MYO19: variants seen among roughly 807,000 people sequenced by gnomAD.
MYO19 encodes myosin XIX, also known as unconventional myosin-XIX.
In MYO19, 132 loss-of-function variants were observed where a neutral mutation model predicts 129.2. The observed-to-expected ratio is 1.02, with a 90% CI of 0.89 to 1.18. The LOEUF (loss-of-function observed/expected upper bound fraction) is 1.18, where lower values mean the gene tolerates loss of function less well. MYO19 is among the 50% of genes most tolerant of loss of function. The pLI, the probability that MYO19 is intolerant of heterozygous loss-of-function variation, is 0.00. For synonymous variants in MYO19, 531 were observed against 477.2 expected (o/e 1.11, Z -1.47); for missense variants, 1,210 against 1,216.7 (o/e 0.99, Z 0.08).
chr17:36,516,365 C>A (rs1020379013), intron 6 of MYO19, among the ~76,000 whole-genome samples: 2 of 152,160 alleles, frequency 1.3e-5, no homozygotes, highest in Non-Finnish European at 2.9e-5. Context: ...CATTTATACC[C>A]AAGCAGTCTA....
chr17:36,507,548 G>T, intron 15 of MYO19, 36 bp from the exon 16 acceptor site: 5 of 1,596,530 alleles, frequency 3.1e-6, no homozygotes, highest in Non-Finnish European at 4.3e-6. Context: ...GGAGAAGGCA[G>T]CTGTGGTCTG....
At chr17:36,503,251 G>A in intron 20 of MYO19, 51 bp from the exon 21 acceptor site, 1 of 1,451,572 alleles carries the variant, frequency 6.9e-7, no homozygotes, top group Non-Finnish European at 9.7e-7. Flanking sequence ...TGTGAGCCAG[G>A]TTAACGGTTC....
At chr17:36,511,198 C>T (rs532939699) in intron 12 of MYO19, 167 bp downstream of exon 12, 438 of 729,562 alleles carry the variant, frequency 6.0e-4, no homozygotes, top group Middle Eastern at 7.9e-4. Flanking sequence ...TACTGTCTGC[C>T]TCACCAGACA....
At chr17:36,509,571 T>C (rs898731411) in intron 13 of MYO19, 1 of 219,126 alleles carries the variant, frequency 4.6e-6, no homozygotes, top group Non-Finnish European at 9.1e-6. Context: ...CCATACCCCC[T>C]GATGTAGTTC....
intron 6 of MYO19, among the ~76,000 whole-genome samples, chr17:36,524,210 C>T (rs765103541): frequency 6.6e-6 from 1 of 152,140 alleles, no homozygotes; most frequent in Non-Finnish European, 1.5e-5. Context: ...TAACCCAAGT[C>T]CAAGCCCTCA....
At chr17:36,510,648 G>A in intron 13 of MYO19, 98 bp downstream of exon 13, 3 of 1,350,206 alleles carry the variant, frequency 2.2e-6, no homozygotes, top group Non-Finnish European at 3.0e-6. Context: ...CTCCCACCCT[G>A]GGCCTGTGCC....
rs554052484 is a variant in MYO19 at position 36,530,690 on chromosome 17, G to A, written c.12+1837C>T. 2.9e-3 allele frequency among the ~76,000 whole-genome samples: 439 copies of A among 151,626 alleles called. 1 individual carries two copies. The highest frequency in any genetic ancestry group is 4.7e-3 in the Non-Finnish European group (318 of 67,918). On this transcript the variant is annotated intron_variant, in intron 3 of 25. Coordinates refer to ENST00000614623, the MANE Select transcript of MYO19 (RefSeq NM_001163735.2). Reference sequence around the variant, plus strand: ...GGCTGGAGTGCAGTGGCACAATCTCGGCTCACTGCAACCACTGTCTCCCAG... The same window carrying A: ...GGCTGGAGTGCAGTGGCACAATCTCAGCTCACTGCAACCACTGTCTCCCAG...
chr17:36,538,384 TC>T, upstream of MYO19: 1 of 1,614,120 alleles, frequency 6.2e-7, no homozygotes, highest in Non-Finnish European at 8.5e-7. Context: ...GAATCTCTAG[TC>T]CCTGAAGCCG....
chr17:36,528,122 C>A lies in MYO19; in HGVS notation c.93G>T (p.Glu31Asp). 1 of 1,613,768 alleles carries A rather than the reference C, an allele frequency of 6.2e-7. No individual in the cohort carries two copies. Among genetic ancestry groups the A allele is most frequent in the South Asian group, 1.1e-5 (1 of 90,968 alleles). ...GGTCATCCAGTTTGTACAGCAGGACCTCCCCACCCAGGAACTCCTGCAGGT... is the reference window on the plus strand; with the variant it reads ...GGTCATCCAGTTTGTACAGCAGGACATCCCCACCCAGGAACTCCTGCAGGT... ...REDLQEFLGG[E>D]VLLYKLDDLT... is the part of the protein sequence containing the mutation. The change falls in exon 4 of 26, where the codon GAG becomes GAT. Residue 31 changes from glutamate (E) to aspartate (D), a missense_variant. Physicochemically the swap from Glu to Asp is conservative, Grantham distance 45 (BLOSUM62 2). Transcript: ENST00000614623.
upstream of MYO19, chr17:36,538,183 T>A (rs551293655): frequency 4.3e-6 from 7 of 1,613,766 alleles, no homozygotes; most frequent in Admixed American, 8.3e-5. Context: ...CAAGTAAATG[T>A]AGAAGCAGTA....
chr17:36,503,108 TTG>T lies in MYO19; in HGVS notation c.2067_2068del (p.Lys690ArgfsTer4), dbSNP rs771327618. 2.5e-6 allele frequency: 4 copies of T among 1,613,892 alleles called. No homozygotes were observed. The highest frequency in any genetic ancestry group is 2.5e-6 in the Non-Finnish European group (3 of 1,179,764). On this transcript the variant is annotated frameshift_variant, in exon 21 of 26. Coordinates refer to ENST00000614623, the MANE Select transcript of MYO19 (RefSeq NM_001163735.2). LOFTEE classifies it high-confidence loss of function. Reference sequence around the variant, plus strand: ...TGGGTCCCACTCACCAGGGAGCCCTTTGGCAGGATATGGGCTGTCGGGGCCAG... The same window carrying T: ...TGGGTCCCACTCACCAGGGAGCCCTTGCAGGATATGGGCTGTCGGGGCCAG...
chr17:36,525,672 AACT>A (rs2073420578), intron 5 of MYO19, among the ~76,000 whole-genome samples: 1 of 152,190 alleles, frequency 6.6e-6, no homozygotes. Context: ...AGTTCGTATA[AACT>A]ACTAAGAAGC....
At position 36,522,368 on chromosome 17, in the gene MYO19, C is replaced by T. The variant is rs552217637; in HGVS notation, c.414+2860G>A. Among the ~76,000 whole-genome samples, 9 of 151,452 alleles carry T rather than the reference C, an allele frequency of 5.9e-5. 1 individual carries two copies. Among genetic ancestry groups the T allele is most frequent in the Admixed American group, 5.3e-4 (8 of 15,192 alleles). ...ACTAAAAATACAAAAATTAGCCGGG[C>T]CTGGTGGCAGGCGCCTGTAATCCCA... is the stretch of plus-strand genomic sequence containing the variant. On this transcript the variant is annotated intron_variant, in intron 6 of 25. Transcript: ENST00000614623.
chr17:36,525,162 T>C, intron 6 of MYO19, 66 bp downstream of exon 6: 1 of 1,195,874 alleles, frequency 8.4e-7, no homozygotes, highest in Non-Finnish European at 1.2e-6. Flanking sequence ...GGCCAAGGAA[T>C]GACCCCTGCC....
intron 21 of MYO19, 66 bp downstream of exon 21, chr17:36,503,031 A>G: frequency 1.5e-6 from 2 of 1,376,798 alleles, no homozygotes; most frequent in Non-Finnish European, 2.1e-6. Context: ...GCCCTAAGAC[A>G]GGGCACAGGG....
At chr17:36,521,728 G>A (rs2073139644) in intron 6 of MYO19, among the ~76,000 whole-genome samples, 1 of 152,030 alleles carries the variant, frequency 6.6e-6, no homozygotes, top group South Asian at 2.1e-4. Flanking sequence ...TCTCTCAACA[G>A]CAATATATGA....
In MYO19 at chr17:36,507,809, G is replaced by A. The variant is rs2072025654; in HGVS notation, c.1347C>T (p.Ala449=). 2 of 1,610,136 alleles carry A rather than the reference G, an allele frequency of 1.2e-6. No homozygotes were observed. Among genetic ancestry groups the A allele is most frequent in the Admixed American group, 1.7e-5 (1 of 59,662 alleles). The change falls in exon 15 of 26, where the codon GCC becomes GCT. Residue 449 remains alanine, a synonymous_variant. Coordinates refer to ENST00000614623, the MANE Select transcript of MYO19 (RefSeq NM_001163735.2). ...QQHFVAHYLR[A]QQEEYAVEGL... is the part of the protein sequence containing the mutation. ...TGCTCACCCCATCCCTCACCTGCTG[G>A]GCCCTTAGGTAGTGAGCCACAAAAT... is the stretch of plus-strand genomic sequence containing the variant.
intron 25 of MYO19, among the ~76,000 whole-genome samples, chr17:36,496,628 G>A (rs2071005185): frequency 6.6e-6 from 1 of 152,146 alleles, no homozygotes; most frequent in Non-Finnish European, 1.5e-5. Flanking sequence ...ACATTCCTAT[G>A]ACTGCTTAAA....
chr17:36,529,162 T>TTC lies in MYO19; in HGVS notation c.13-962_13-961dup, dbSNP rs1229478302. ...CTCCTCCCTTGCCTATCTTTTTTTT[T>TTC]TCCTTTCTTTTTTAAGAGATGGAGT... On this transcript the variant is annotated intron_variant, in intron 3 of 25. Coordinates refer to ENST00000614623, the MANE Select transcript of MYO19 (RefSeq NM_001163735.2). Among the ~76,000 whole-genome samples, 27 of 151,954 alleles carry TTC rather than the reference T, an allele frequency of 1.8e-4. No individual in the cohort carries two copies. In the East Asian group the frequency reaches 4.8e-3, roughly 27 times the overall value.
Sources: allele counts gnomAD v4.1 joint callset (sites outside exome capture counted in the v4.1 genomes callset), GRCh38; gene constraint gnomAD v4.1.1; transcripts MANE v1.5; gene names NCBI Gene and HGNC (gene_info 2026-07-23, HGNC 2026-07-21).